The following MPPED2 variants were observed in gnomAD, a reference collection of about 807,000 sequenced individuals.
MPPED2 encodes the protein metallophosphoesterase MPPED2.
In MPPED2, 5 loss-of-function variants were observed where a neutral mutation model predicts 33.0. That is an observed-to-expected ratio of 0.15 (90% CI 0.08 to 0.32). The LOEUF is 0.32. MPPED2 is among the 10% of genes least tolerant of loss of function. The pLI, the probability that MPPED2 is intolerant of heterozygous loss-of-function variation, is 1.00. For missense variants in MPPED2, 275 were observed against 372.1 expected, an observed-to-expected ratio of 0.74 and a Z score of 2.15; for synonymous variants, 136 against 141.9, an observed-to-expected ratio of 0.96 and a Z score of 0.29.
At chr11:30,435,708 G>A (rs1280518595) in intron 4 of MPPED2, among the ~76,000 whole-genome samples, 1 of 152,158 alleles carries the variant, frequency 6.6e-6, no homozygotes, top group African/African-American at 2.4e-5. Flanking sequence ...TGAGCTGGCA[G>A]GAACTGTGGA....
chr11:30,574,248 C>A (rs1275071624), intron 2 of MPPED2, among the ~76,000 whole-genome samples: 1 of 152,048 alleles, frequency 6.6e-6, no homozygotes, highest in East Asian at 1.9e-4. Flanking sequence ...TTATACTCTA[C>A]CTTTCTTATA....
intron 4 of MPPED2, among the ~76,000 whole-genome samples, chr11:30,489,731 T>C (rs138785103): frequency 6.6e-6 from 1 of 152,322 alleles, no homozygotes; most frequent in Admixed American, 6.5e-5. Flanking sequence ...ATCAAATTCC[T>C]GGACATTGGA....
intron 4 of MPPED2, among the ~76,000 whole-genome samples, chr11:30,435,642 GC>G: frequency 6.6e-6 from 1 of 152,312 alleles, no homozygotes; most frequent in Non-Finnish European, 1.5e-5. Flanking sequence ...GACCAACAAA[GC>G]CTGACCACCC....
intron 2 of MPPED2, among the ~76,000 whole-genome samples, chr11:30,561,032 C>G (rs1956217731): frequency 6.6e-6 from 1 of 152,168 alleles, no homozygotes; most frequent in African/African-American, 2.4e-5. Context: ...GTGTTCAACC[C>G]ACATGCAAAC....
At chr11:30,577,867 C>A (rs952419961) in intron 2 of MPPED2, among the ~76,000 whole-genome samples, 4 of 152,204 alleles carry the variant, frequency 2.6e-5, no homozygotes, top group Admixed American at 2.6e-4. Flanking sequence ...TCTCTCTATT[C>A]AATGCATAAT....
At chr11:30,513,557 G>A (rs1953349109) in intron 3 of MPPED2, among the ~76,000 whole-genome samples, 1 of 152,158 alleles carries the variant, frequency 6.6e-6, no homozygotes, top group Non-Finnish European at 1.5e-5. Context: ...TTCAACTGTA[G>A]ATGGATAAGA....
chr11:30,423,526 GCGTAAC>G (rs535032025), intron 4 of MPPED2, among the ~76,000 whole-genome samples: 140 of 152,276 alleles, frequency 9.2e-4, no homozygotes, highest in Admixed American at 3.3e-3. Flanking sequence ...GTGCCAGTTA[GCGTAAC>G]GAGCACCTGC....
chr11:30,460,406 G>A (rs1196579879), intron 4 of MPPED2, among the ~76,000 whole-genome samples: 1 of 152,240 alleles, frequency 6.6e-6, no homozygotes, highest in East Asian at 1.9e-4. Flanking sequence ...GATCACTTGA[G>A]GCCAGGAGTT....
intron 3 of MPPED2, among the ~76,000 whole-genome samples, chr11:30,495,825 C>T (rs187941613): frequency 2.0e-5 from 3 of 152,274 alleles, no homozygotes; most frequent in Admixed American, 6.5e-5. Flanking sequence ...TGAATCCACA[C>T]TTTATATTTA....
At chr11:30,388,303 C>A (rs1024052506) in exon 7 of MPPED2, 7 of 152,318 alleles carry the variant, frequency 4.6e-5, no homozygotes, top group Non-Finnish European at 8.8e-5. Flanking sequence ...TCCAGGCCGG[C>A]AACTGCCGCA....
intron 3 of MPPED2, among the ~76,000 whole-genome samples, chr11:30,516,611 G>T (rs1475515475): frequency 2.0e-5 from 3 of 152,054 alleles, no homozygotes; most frequent in Non-Finnish European, 4.4e-5. Flanking sequence ...CCCCAGTATG[G>T]GTAATTGCCA....
chr11:30,565,301 G>A (rs922054975), intron 2 of MPPED2, among the ~76,000 whole-genome samples: 4 of 152,018 alleles, frequency 2.6e-5, no homozygotes, highest in Non-Finnish European at 4.4e-5. Flanking sequence ...CTTGGCATCC[G>A]GTGCATATTT....
At chr11:30,457,341 G>C (rs576838703) in intron 4 of MPPED2, among the ~76,000 whole-genome samples, 2 of 147,766 alleles carry the variant, frequency 1.4e-5, no homozygotes, top group East Asian at 2.0e-4. Context: ...AAAGAGCTTC[G>C]CATTTATAGA....
chr11:30,541,719 A>G (rs1209899741), intron 2 of MPPED2, among the ~76,000 whole-genome samples: 1 of 152,102 alleles, frequency 6.6e-6, no homozygotes. Flanking sequence ...CAGCCTCTCA[A>G]GTAACTACGA....
chr11:30,536,066 T>C lies in MPPED2; in HGVS notation c.238A>G (p.Ile80Val), dbSNP rs1444259359. The change falls in exon 3 of 7, where the codon ATC (isoleucine) becomes GTC (valine). Residue 80 changes from isoleucine (I) to valine (V), a missense_variant. Ile to Val is a conservative substitution (Grantham distance 29). Transcript: ENST00000358117. ...GTGAAATCGCCTGTGTGGAGAAGGATGTCCCCATAAGGCATCTGGATACCA... is the reference window on the plus strand; with the variant it reads ...GTGAAATCGCCTGTGTGGAGAAGGACGTCCCCATAAGGCATCTGGATACCA... ...TDGIQMPYGDILLHTGDFTEL... is the reference protein window; with the variant it reads ...TDGIQMPYGDVLLHTGDFTEL... 2.5e-6 allele frequency: 4 copies of C among 1,613,556 alleles called. No individual in the cohort carries two copies. In the African/African-American group the frequency reaches 5.3e-5, roughly 22 times the overall value.
chr11:30,493,002 G>A (rs1406811138), intron 4 of MPPED2, among the ~76,000 whole-genome samples: 2 of 152,122 alleles, frequency 1.3e-5, no homozygotes, highest in African/African-American at 2.4e-5. Flanking sequence ...CTGGCATATA[G>A]GAAGTACTTA....
At chr11:30,456,076 T>C (rs1212930589) in intron 4 of MPPED2, among the ~76,000 whole-genome samples, 1 of 152,238 alleles carries the variant, frequency 6.6e-6, no homozygotes, top group Non-Finnish European at 1.5e-5. Flanking sequence ...TTGTCCTTTA[T>C]AAATATTGCT....
chr11:30,401,860 AT>A (rs61383437), intron 6 of MPPED2, among the ~76,000 whole-genome samples: 15,593 of 85,818 alleles, frequency 0.18, 2,261 homozygotes, highest in African/African-American at 0.36. Context: ...AATTTTTTGT[AT>A]TTTTTTTTTT....
At chr11:30,520,549 C>T (rs1374058563) in intron 3 of MPPED2, among the ~76,000 whole-genome samples, 1 of 152,006 alleles carries the variant, frequency 6.6e-6, no homozygotes, top group Non-Finnish European at 1.5e-5. Flanking sequence ...ATGTTTTGTG[C>T]TAGCATTTAT....
Sources: gnomAD v4.1 joint callset for allele counts (sites outside exome capture counted in the v4.1 genomes callset) on GRCh38, gnomAD v4.1.1 for gene constraint, MANE v1.5 for transcripts, NCBI Gene and HGNC (gene_info 2026-07-23, HGNC 2026-07-21) for gene names.